EVI5: variants seen among roughly 807,000 people sequenced by gnomAD.
EVI5 encodes the protein ecotropic viral integration site 5.
Under a neutral mutation model 112.0 loss-of-function variants are expected in EVI5, and 73 were observed. That is an observed-to-expected ratio of 0.65 (90% CI 0.54 to 0.79). The LOEUF (loss-of-function observed/expected upper bound fraction) is 0.79, where lower values mean the gene tolerates loss of function less well. Ranked by LOEUF, EVI5 falls within the 30% of genes least tolerant of loss-of-function variation. The probability of loss-of-function intolerance (pLI) is 0.00; values close to 1 mark genes in which losing one functional copy is unlikely to be tolerated. For missense variants in EVI5, 900 were observed against 968.8 expected, an observed-to-expected ratio of 0.93 and a Z score of 0.94; for synonymous variants, 305 against 319.9, an observed-to-expected ratio of 0.95 and a Z score of 0.50.
At chr1:92,595,868 G>C (rs957489426) in intron 18 of EVI5, among the ~76,000 whole-genome samples, 2 of 152,114 alleles carry the variant, frequency 1.3e-5, no homozygotes, top group African/African-American at 4.8e-5. Context: ...TGTATAATAA[G>C]CAAATTCACA....
At chr1:92,686,202 A>G (rs1204356268) in intron 9 of EVI5, among the ~76,000 whole-genome samples, 1 of 152,226 alleles carries the variant, frequency 6.6e-6, no homozygotes, top group African/African-American at 2.4e-5. Flanking sequence ...ATCCACCATG[A>G]TCAAGTTGGC....
At chr1:92,791,965 G>A (rs983289348) in intron 1 of EVI5, among the ~76,000 whole-genome samples, 7 of 152,320 alleles carry the variant, frequency 4.6e-5, no homozygotes, top group African/African-American at 1.7e-4. Context: ...CTCCATATGA[G>A]AAATGTGAAG....
At chr1:92,763,425 G>A (rs1420552810) in intron 1 of EVI5, among the ~76,000 whole-genome samples, 3 of 151,928 alleles carry the variant, frequency 2.0e-5, no homozygotes, top group African/African-American at 4.8e-5. Flanking sequence ...AGGCAGGCAC[G>A]GTGGCTCACA....
At chr1:92,553,081 A>C (rs1332735336) in intron 19 of EVI5, among the ~76,000 whole-genome samples, 1 of 152,042 alleles carries the variant, frequency 6.6e-6, no homozygotes, top group Admixed American at 6.6e-5. Context: ...TAAAACTGAA[A>C]AGTGGTCTGA....
chr1:92,616,222 G>A (rs965807232), intron 16 of EVI5, among the ~76,000 whole-genome samples: 3 of 152,100 alleles, frequency 2.0e-5, no homozygotes, highest in Admixed American at 6.6e-5. Context: ...TCCAGAAGAC[G>A]TACTCTTGAC....
chr1:92,791,611 C>T (rs950265770), intron 1 of EVI5, among the ~76,000 whole-genome samples: 9 of 152,158 alleles, frequency 5.9e-5, no homozygotes, highest in African/African-American at 1.9e-4. Flanking sequence ...GCTTCAGTCT[C>T]TTCATCAAGC....
chr1:92,572,820 T>C (rs1324957186), intron 18 of EVI5, among the ~76,000 whole-genome samples: 4 of 152,086 alleles, frequency 2.6e-5, no homozygotes, highest in African/African-American at 9.7e-5. Flanking sequence ...CTGGACACTA[T>C]GATATATGAA....
chr1:92,698,068 GCCAA>G, intron 5 of EVI5, 83 bp from the exon 6 acceptor site: 2 of 1,305,308 alleles, frequency 1.5e-6, no homozygotes, highest in South Asian at 2.6e-5. Flanking sequence ...TAAGTACACA[GCCAA>G]CCACAAACAT....
In EVI5 at chr1:92,663,415, T is replaced by C. The variant is rs1664358927; in HGVS notation, c.1245+5A>G. Reference sequence around the variant, plus strand: ...TAAAAAACTAAAACAAAACAAAAACTATACCTGTATCAATCTATCTGCCAA... The same window carrying C: ...TAAAAAACTAAAACAAAACAAAAACCATACCTGTATCAATCTATCTGCCAA... On this transcript the variant is annotated splice_donor_5th_base_variant and intron_variant, in intron 12 of 19. Transcript: ENST00000684568. The C allele has an allele frequency of 4.3e-6, 6 of 1,409,878 alleles. No individual in the cohort carries two copies. The highest frequency in any genetic ancestry group is 2.3e-5 in the Admixed American group (1 of 42,784). The allele number at this position is 1,409,878 out of a possible 1,614,324, so 87.3% of individuals were successfully genotyped here.
intron 14 of EVI5, among the ~76,000 whole-genome samples, chr1:92,630,831 G>A (rs2101843458): frequency 6.6e-6 from 1 of 152,264 alleles, no homozygotes; most frequent in South Asian, 2.1e-4. Context: ...AATCCATCTT[G>A]AATTAATTTT....
intron 19 of EVI5, among the ~76,000 whole-genome samples, chr1:92,561,044 T>C (rs922174333): frequency 4.6e-5 from 7 of 152,190 alleles, no homozygotes; most frequent in South Asian, 2.1e-4. Context: ...TTCTAGCTAA[T>C]TGGTCTGTTT....
chr1:92,602,307 T>C lies in EVI5; in HGVS notation c.2070+3000A>G, dbSNP rs897541648. ...TTTGAAAGACATAAGATTTTAAACA[T>C]AGTATTTTGTCCATAGGGAAAACTT... On this transcript the variant is annotated intron_variant, in intron 18 of 19. Transcript: ENST00000684568. Among the ~76,000 whole-genome samples, 10 of 152,338 alleles carry C rather than the reference T, an allele frequency of 6.6e-5. No individual in the cohort carries two copies. The East Asian group carries it at 1.9e-3, about 29-fold the overall frequency.
At chr1:92,633,156 TG>T (rs1172541535) in intron 14 of EVI5, among the ~76,000 whole-genome samples, 5 of 152,208 alleles carry the variant, frequency 3.3e-5, no homozygotes, top group Non-Finnish European at 7.3e-5. Flanking sequence ...TCTGTTGATT[TG>T]GGGTGGAGAG....
chr1:92,546,854 C>A (rs1319157625), intron 19 of EVI5, among the ~76,000 whole-genome samples: 1 of 152,142 alleles, frequency 6.6e-6, no homozygotes, highest in African/African-American at 2.4e-5. Flanking sequence ...AAAGCAAGTC[C>A]TTAGAGACCT....
intron 1 of EVI5, among the ~76,000 whole-genome samples, chr1:92,745,412 C>G (rs187739250): frequency 5.9e-5 from 9 of 152,228 alleles, no homozygotes; most frequent in African/African-American, 2.2e-4. Context: ...TCACTGAGTA[C>G]TTTCACATAC....
At chr1:92,754,588 T>A (rs1680631423) in intron 1 of EVI5, among the ~76,000 whole-genome samples, 1 of 152,228 alleles carries the variant, frequency 6.6e-6, no homozygotes, top group South Asian at 2.1e-4. Context: ...CTGGAAGAGC[T>A]GCTTCAAAGA....
intron 19 of EVI5, among the ~76,000 whole-genome samples, chr1:92,546,102 C>A (rs1665646685): frequency 6.6e-6 from 1 of 152,112 alleles, no homozygotes; most frequent in South Asian, 2.1e-4. Flanking sequence ...ACACCTAGCA[C>A]AGCACTGGGA....
At chr1:92,739,082 G>A (rs1036523217) in intron 1 of EVI5, among the ~76,000 whole-genome samples, 4 of 151,876 alleles carry the variant, frequency 2.6e-5, no homozygotes, top group African/African-American at 9.7e-5. Flanking sequence ...AGACCAGCTT[G>A]GCCAACATGA....
chr1:92,567,400 T>A (rs1477238793), intron 18 of EVI5, among the ~76,000 whole-genome samples: 1 of 152,242 alleles, frequency 6.6e-6, no homozygotes, highest in Non-Finnish European at 1.5e-5. Flanking sequence ...ATTCACTCAC[T>A]GACTCACCCA....
Sources: gnomAD v4.1 joint callset for allele counts (sites outside exome capture counted in the v4.1 genomes callset) on GRCh38, gnomAD v4.1.1 for gene constraint, MANE v1.5 for transcripts, NCBI Gene and HGNC (gene_info 2026-07-23, HGNC 2026-07-21) for gene names.